CDK15: variants seen among roughly 807,000 people sequenced by gnomAD.
CDK15 encodes cyclin-dependent kinase 15.
A neutral mutation model predicts 60.3 loss-of-function variants in CDK15; 62 were observed. That is an observed-to-expected ratio of 1.03 (90% CI 0.84 to 1.27). The LOEUF is 1.27. Among genes scored for constraint, CDK15 ranks in the 50% most tolerant of loss-of-function variants. The pLI is 0.00. For missense variants in CDK15, 541 were observed against 527.8 expected (o/e 1.03, Z -0.25); for synonymous variants, 194 against 195.7 (o/e 0.99, Z 0.07).
At chr2:201,879,419 G>C (rs1389727251) in intron 11 of CDK15, among the ~76,000 whole-genome samples, 1 of 152,166 alleles carries the variant, frequency 6.6e-6, no homozygotes, top group Non-Finnish European at 1.5e-5. Flanking sequence ...TTGTTCTGTT[G>C]CCCAGGCTGG....
chr2:201,827,115 T>C (rs1325409039), intron 6 of CDK15, among the ~76,000 whole-genome samples: 2 of 152,128 alleles, frequency 1.3e-5, no homozygotes, highest in African/African-American at 4.8e-5. Flanking sequence ...TGGGGAAATA[T>C]ATTGGGTAGG....
chr2:201,816,391 T>C (rs1321801174), intron 4 of CDK15, among the ~76,000 whole-genome samples: 2 of 151,924 alleles, frequency 1.3e-5, no homozygotes, highest in Non-Finnish European at 1.5e-5. Context: ...TTGTTTTCTG[T>C]TCCTGGGTTA....
At position 201,895,391 on chromosome 2, in the gene CDK15, T is replaced by C. The variant is rs565418769; in HGVS notation, c.*2124T>C. 6 of 152,270 alleles carry C rather than the reference T, an allele frequency of 3.9e-5. No homozygotes were observed. Among genetic ancestry groups the C allele is most frequent in the African/African-American group, 1.2e-4 (5 of 41,478 alleles). 9.4% of individuals were successfully genotyped at this position (152,270 alleles called of 1,614,324 possible). A position where few individuals can be genotyped will look rare whatever the true frequency, so the allele number is the denominator to read the frequency against. ...TCTTTATAATGGAGGAACATTATGC[T>C]TATGCATATGCATATACCTTATGCA... On this transcript the variant is annotated 3_prime_UTR_variant, in exon 14 of 14. Coordinates refer to ENST00000652192, the MANE Select transcript of CDK15 (RefSeq NM_001366386.2).
intron 12 of CDK15, among the ~76,000 whole-genome samples, chr2:201,884,641 G>T (rs1026176187): frequency 2.6e-5 from 4 of 152,080 alleles, no homozygotes; most frequent in African/African-American, 9.7e-5. Context: ...TTTAACCTTT[G>T]TTTCCAAATA....
intron 8 of CDK15, among the ~76,000 whole-genome samples, chr2:201,845,816 G>A (rs937080090): frequency 6.7e-6 from 1 of 148,596 alleles, no homozygotes; most frequent in Non-Finnish European, 1.5e-5. Context: ...ATGTGGTATA[G>A]TGAAAGAGGT....
chr2:201,812,173 C>CAAAAAAAAAAAAAAAA (rs56808760), intron 3 of CDK15, among the ~76,000 whole-genome samples: 15 of 96,752 alleles, frequency 1.6e-4, no homozygotes, highest in Admixed American at 3.7e-4. Context: ...GATTCTGTCT[C>CAAAAAAAAAAAAAAAA]AAAAAAAAAA....
chr2:201,837,303 C>CAGAGAGAGAGAGAGAGAG (rs112414025), intron 8 of CDK15, among the ~76,000 whole-genome samples: 2 of 123,598 alleles, frequency 1.6e-5, no homozygotes, highest in African/African-American at 6.1e-5. Context: ...AAGAAAGAAA[C>CAGAGAGAGAGAGAGAGAG]AGAGAGAGAG....
rs947834300 is a variant in CDK15, at chr2:201,881,112, G to C, written c.1198+945G>C. ...GATGGGGTGCAGTGAGATAAGGATG[G>C]GGACAGGGTGAGGAGCTACTGCCCA... On this transcript the variant is annotated intron_variant, in intron 12 of 13. Coordinates refer to ENST00000652192, the MANE Select transcript of CDK15 (RefSeq NM_001366386.2). 5.3e-5 allele frequency among the ~76,000 whole-genome samples: 8 copies of C among 152,212 alleles called. No individual in the cohort carries two copies. In the East Asian group the frequency reaches 1.4e-3, roughly 26 times the overall value.
At position 201,880,079 on chromosome 2, in the gene CDK15, C is replaced by T. The variant is rs1278400435; in HGVS notation, c.1110C>T (p.Gly370=). The change falls in exon 12 of 14, where the codon GGC becomes GGT. Residue 370 remains glycine (G), a synonymous_variant. Transcript: ENST00000652192. ...ACCTGGCCTCCCAGATGCTAAAAGG[C>T]TTTCCCAGAGACCGCGTCTCCGCCC... ...AEDLASQMLK[G]FPRDRVSAQE... is the part of the protein sequence containing the mutation. 8 of 1,614,128 alleles carry T rather than the reference C, an allele frequency of 5.0e-6. No individual in the cohort carries two copies. The highest frequency in any genetic ancestry group is 6.8e-6 in the Non-Finnish European group (8 of 1,180,012).
intron 9 of CDK15, among the ~76,000 whole-genome samples, chr2:201,852,877 A>C (rs536809736): frequency 1.3e-5 from 2 of 152,402 alleles, no homozygotes; most frequent in Admixed American, 1.3e-4. Context: ...TAAGATTAAA[A>C]AAACTTTTTT....
chr2:201,884,925 A>T (rs1699403966), intron 12 of CDK15, among the ~76,000 whole-genome samples: 1 of 152,208 alleles, frequency 6.6e-6, no homozygotes, highest in South Asian at 2.1e-4. Flanking sequence ...ACAGCTGCAG[A>T]TCAAGTATAC....
At chr2:201,890,126 C>T (rs1044765777) in intron 12 of CDK15, among the ~76,000 whole-genome samples, 7 of 152,032 alleles carry the variant, frequency 4.6e-5, no homozygotes, top group Admixed American at 3.9e-4. Context: ...CATATCTAGC[C>T]CAACGTGATG....
At chr2:201,886,605 G>T (rs1220507421) in intron 12 of CDK15, among the ~76,000 whole-genome samples, 1 of 152,172 alleles carries the variant, frequency 6.6e-6, no homozygotes, top group African/African-American at 2.4e-5. Flanking sequence ...GATTACAGGC[G>T]TGAGTCACCT....
Position 201,850,560 on chromosome 2 carries a change from C to A in CDK15, c.945+3086C>A, listed in dbSNP as rs545531397. Reference sequence around the variant, plus strand: ...CGTGATGACTTTCTCACTTTGTCCGCAGAGCAAGAAACTATAGATGCAGTA... The same window carrying A: ...CGTGATGACTTTCTCACTTTGTCCGAAGAGCAAGAAACTATAGATGCAGTA... On this transcript the variant is annotated intron_variant, in intron 9 of 13. Coordinates refer to ENST00000652192, the MANE Select transcript of CDK15 (RefSeq NM_001366386.2). 1.9e-3 allele frequency among the ~76,000 whole-genome samples: 282 copies of A among 152,252 alleles called. 1 individual carries two copies. The highest frequency in any genetic ancestry group is 3.4e-3 in the Non-Finnish European group (228 of 68,022).
chr2:201,863,343 T>G (rs1255664670), intron 10 of CDK15, among the ~76,000 whole-genome samples: 2 of 152,082 alleles, frequency 1.3e-5, no homozygotes, highest in African/African-American at 4.8e-5. Context: ...AAGTATTTTT[T>G]CTAAAGTAAA....
intron 10 of CDK15, chr2:201,860,925 G>A: frequency 1.5e-6 from 2 of 1,315,388 alleles, no homozygotes; most frequent in Non-Finnish European, 2.0e-6. Flanking sequence ...GGATGATAAA[G>A]AGCTATTCTG....
At chr2:201,828,577 G>A (rs1696613126) in intron 6 of CDK15, among the ~76,000 whole-genome samples, 1 of 152,072 alleles carries the variant, frequency 6.6e-6, no homozygotes, top group African/African-American at 2.4e-5. Flanking sequence ...GATTTGTGAG[G>A]GACACACTAA....
intron 12 of CDK15, among the ~76,000 whole-genome samples, chr2:201,886,674 A>G (rs907953120): frequency 3.9e-5 from 6 of 152,196 alleles, no homozygotes; most frequent in South Asian, 4.1e-4. Context: ...CCTGTGACTC[A>G]TTCAGTTTTA....
chr2:201,837,505 AGG>A (rs1697182076), intron 8 of CDK15, among the ~76,000 whole-genome samples: 1 of 149,060 alleles, frequency 6.7e-6, no homozygotes, highest in Non-Finnish European at 1.5e-5. Flanking sequence ...GAAGGAAGGA[AGG>A]AAGGAAAGAA....
Sources: allele counts gnomAD v4.1 joint callset (sites outside exome capture counted in the v4.1 genomes callset), GRCh38; gene constraint gnomAD v4.1.1; transcripts MANE v1.5; gene names NCBI Gene and HGNC (gene_info 2026-07-23, HGNC 2026-07-21).